The following EPAS1 variants were observed in gnomAD, a reference collection of about 807,000 sequenced individuals.
EPAS1 encodes endothelial PAS domain protein 1.
A neutral mutation model predicts 87.9 loss-of-function variants in EPAS1; 23 were observed. That is an observed-to-expected ratio of 0.26 (90% CI 0.19 to 0.37). The LOEUF is 0.37. Among genes scored for constraint, EPAS1 ranks in the 10% least tolerant of loss-of-function variants. The pLI, the probability that EPAS1 is intolerant of heterozygous loss-of-function variation, is 1.00. For missense variants in EPAS1, 1,138 were observed against 1,120.7 expected, an observed-to-expected ratio of 1.02 and a Z score of -0.22; for synonymous variants, 508 against 444.3, an observed-to-expected ratio of 1.14 and a Z score of -1.80.
chr2:46,376,398 G>C, intron 8 of EPAS1, 141 bp from the exon 9 acceptor site: 1 of 797,900 alleles, frequency 1.3e-6, no homozygotes, highest in Non-Finnish European at 2.2e-6. Flanking sequence ...TCTATTGTAT[G>C]GTTCTTTATA....
At position 46,380,335 on chromosome 2, in the gene EPAS1, A is replaced by G. The variant is rs1159222750; in HGVS notation, c.1663A>G (p.Asn555Asp). The change falls in exon 12 of 16, where the codon AAC (asparagine) becomes GAC (aspartate). Residue 555 changes from asparagine (N) to aspartate (D), a missense_variant. Asn to Asp is a conservative substitution (Grantham distance 23). This residue lies in a region of EPAS1 where 502 missense variants were observed against 427.1 expected (regional missense o/e 1.18). Coordinates refer to ENST00000263734, the MANE Select transcript of EPAS1 (RefSeq NM_001430.5). The surrounding 1 kb of genome is among the most constrained non-coding windows in gnomAD (Gnocchi z 4.4). ...ICPEERLLAE[N>D]PQSTPQHCFS... ...CCCCGAGGAGCGGCTCTTGGCGGAG[A>G]ACCCACAGTCCACCCCCCAGCACTG... 1.2e-6 allele frequency: 2 copies of G among 1,613,928 alleles called. No individual in the cohort carries two copies. Among genetic ancestry groups the G allele is most frequent in the Non-Finnish European group, 1.7e-6 (2 of 1,180,002 alleles).
chr2:46,329,518 G>A (rs147821704), intron 1 of EPAS1, among the ~76,000 whole-genome samples: 1 of 152,126 alleles, frequency 6.6e-6, no homozygotes, highest in Non-Finnish European at 1.5e-5. Flanking sequence ...CATCTCTATA[G>A]GCTTTCTATT....
chr2:46,357,217 T>C (rs915709669), intron 4 of EPAS1, among the ~76,000 whole-genome samples: 1 of 152,338 alleles, frequency 6.6e-6, no homozygotes, highest in Middle Eastern at 3.4e-3. Flanking sequence ...AGGGCTTTGA[T>C]GATTATCTCC....
intron 1 of EPAS1, among the ~76,000 whole-genome samples, chr2:46,342,252 C>G (rs1278787697): frequency 6.6e-6 from 1 of 152,204 alleles, no homozygotes; most frequent in African/African-American, 2.4e-5. Context: ...TTTCTCATCT[C>G]TGGAACCTGG....
chr2:46,333,142 C>T (rs186574715), intron 1 of EPAS1, among the ~76,000 whole-genome samples: 4 of 152,254 alleles, frequency 2.6e-5, no homozygotes, highest in East Asian at 1.9e-4. Flanking sequence ...CACCATCACT[C>T]GCCTTTATTA....
intron 14 of EPAS1, 50 bp downstream of exon 14, chr2:46,382,139 C>A (rs144804391): frequency 6.4e-7 from 1 of 1,559,468 alleles, no homozygotes; most frequent in Non-Finnish European, 8.8e-7. Context: ...GGTGGAAGGA[C>A]TGGGGCTCGG....
chr2:46,350,323 T>C lies in EPAS1; in HGVS notation c.217+3260T>C, dbSNP rs181173929. Reference sequence around the variant, plus strand: ...TCACTTTATAATAGGAAATAGCTGGTTGCATACCTCAAAGTTCAAAAGGCT... The same window carrying C: ...TCACTTTATAATAGGAAATAGCTGGCTGCATACCTCAAAGTTCAAAAGGCT... On this transcript the variant is annotated intron_variant, in intron 2 of 15. Coordinates refer to ENST00000263734, the MANE Select transcript of EPAS1 (RefSeq NM_001430.5). 1.4e-4 allele frequency among the ~76,000 whole-genome samples: 21 copies of C among 152,364 alleles called. No individual in the cohort carries two copies. The East Asian group carries it at 4.0e-3, about 29-fold the overall frequency.
chr2:46,317,830 C>T (rs1014875752), intron 1 of EPAS1, among the ~76,000 whole-genome samples: 11 of 152,238 alleles, frequency 7.2e-5, no homozygotes, highest in African/African-American at 2.7e-4. Context: ...CTTGCTCTTT[C>T]ACCTTGCATT....
intron 1 of EPAS1, among the ~76,000 whole-genome samples, chr2:46,299,367 C>T (rs906104895): frequency 1.3e-5 from 2 of 152,210 alleles, no homozygotes; most frequent in Non-Finnish European, 2.9e-5. Context: ...CCGTCGCGCC[C>T]TCAGACCCAA....
chr2:46,383,087 G>A (rs1003421713), intron 15 of EPAS1, among the ~76,000 whole-genome samples: 1 of 152,238 alleles, frequency 6.6e-6, no homozygotes, highest in Non-Finnish European at 1.5e-5. Context: ...TGAGCTTGCT[G>A]CGTGGAGAAG....
chr2:46,335,392 C>G (rs1375625830), intron 1 of EPAS1, among the ~76,000 whole-genome samples: 2 of 100,420 alleles, frequency 2.0e-5, no homozygotes, highest in East Asian at 7.1e-4. Context: ...TTATGTGCAC[C>G]CCCGCCCCCC....
At chr2:46,381,190 G>C in intron 12 of EPAS1, 1 of 362,130 alleles carries the variant, frequency 2.8e-6, no homozygotes, top group South Asian at 2.4e-5. Flanking sequence ...CATTTCACCA[G>C]CTGCGAGCTC....
At chr2:46,356,949 GC>G (rs1282039418) in intron 4 of EPAS1, 141 bp downstream of exon 4, 1 of 691,590 alleles carries the variant, frequency 1.4e-6, no homozygotes, top group African/African-American at 1.8e-5. Flanking sequence ...TAAGTATGTA[GC>G]CTGTGAGATG....
chr2:46,369,680 T>A, intron 6 of EPAS1, 147 bp from the exon 7 acceptor site: 1 of 688,630 alleles, frequency 1.5e-6, no homozygotes, highest in South Asian at 1.5e-5. Flanking sequence ...GTTCTTTTGC[T>A]TGGATACATG....
rs1572611865 is a variant in EPAS1 at position 46,304,854 on chromosome 2, A to G, written c.26+6917A>G. Among the ~76,000 whole-genome samples the G allele has an allele frequency of 2.0e-5, 3 of 152,362 alleles. No individual in the cohort carries two copies. The South Asian group carries it at 6.2e-4, about 32-fold the overall frequency. On this transcript the variant is annotated intron_variant, in intron 1 of 15. Transcript: ENST00000263734. ...TTGAAATTGCAAGCACAGGAAGGAAAGAATGGATAGGGGGATAAAGAATAG... is the reference window on the plus strand; with the variant it reads ...TTGAAATTGCAAGCACAGGAAGGAAGGAATGGATAGGGGGATAAAGAATAG...
In EPAS1 at chr2:46,297,934, AAAGGT is replaced by A; in HGVS notation, c.26+1_26+5del. On this transcript the variant is annotated splice_donor_variant and coding_sequence_variant, in exon 1 of 16. Coordinates refer to ENST00000263734, the MANE Select transcript of EPAS1 (RefSeq NM_001430.5). LOFTEE classifies it high-confidence loss of function. ...ACAATGACAGCTGACAAGGAGAAGAAAAGGTAAGCGGGCGTCCGGGCCGATCAGGG... is the reference window on the plus strand; with the variant it reads ...ACAATGACAGCTGACAAGGAGAAGAAAAGCGGGCGTCCGGGCCGATCAGGG... The A allele has an allele frequency of 6.2e-7, 1 of 1,612,478 alleles. No homozygotes were observed. The highest frequency in any genetic ancestry group is 8.5e-7 in the Non-Finnish European group (1 of 1,179,292).
At chr2:46,318,684 G>A (rs1192766313) in intron 1 of EPAS1, among the ~76,000 whole-genome samples, 1 of 152,152 alleles carries the variant, frequency 6.6e-6, no homozygotes, top group Non-Finnish European at 1.5e-5. Context: ...GCATAGTGTG[G>A]TGATTTTTAG....
intron 11 of EPAS1, chr2:46,379,782 C>G (rs763034748): frequency 1.2e-5 from 3 of 246,084 alleles, no homozygotes; most frequent in Non-Finnish European, 2.4e-5. Flanking sequence ...GCACTTACTG[C>G]TTGCTTAGGC....
At chr2:46,331,875 C>G (rs1344345514) in intron 1 of EPAS1, among the ~76,000 whole-genome samples, 2 of 152,212 alleles carry the variant, frequency 1.3e-5, no homozygotes, top group Non-Finnish European at 1.5e-5. Context: ...GGCTTCAGGA[C>G]TTTCAGGCTG....
Sources: gnomAD v4.1 joint callset for allele counts (sites outside exome capture counted in the v4.1 genomes callset) on GRCh38, gnomAD v4.1.1 for gene constraint, gnomAD v4.1.1 regional missense constraint, Gnocchi (gnomAD v3.1) non-coding constraint, MANE v1.5 for transcripts, NCBI Gene and HGNC (gene_info 2026-07-23, HGNC 2026-07-21) for gene names.